BAZ2B: variants seen among roughly 807,000 people sequenced by gnomAD.
BAZ2B encodes bromodomain adjacent to zinc finger domain 2B.
Under a neutral mutation model 246.0 loss-of-function variants are expected in BAZ2B, and 91 were observed. The observed-to-expected ratio is 0.37, with a 90% confidence interval of 0.31 to 0.44. The LOEUF (loss-of-function observed/expected upper bound fraction) is 0.44, where lower values mean the gene tolerates loss of function less well. Ranked by LOEUF, BAZ2B falls within the 20% of genes least tolerant of loss-of-function variation. The pLI, the probability that BAZ2B is intolerant of heterozygous loss-of-function variation, is 1.00. For synonymous variants in BAZ2B, 855 were observed against 860.0 expected, an observed-to-expected ratio of 0.99 and a Z score of 0.10; for missense variants, 2,332 against 2,533.7, an observed-to-expected ratio of 0.92 and a Z score of 1.71.
chr2:159,352,486 C>CT lies in BAZ2B; in HGVS notation c.4214-2130dup, dbSNP rs111657452. Among the ~76,000 whole-genome samples, 529 of 143,288 alleles carry CT rather than the reference C, an allele frequency of 3.7e-3. 2 individuals are homozygous for CT. The highest frequency in any genetic ancestry group is 0.012 in the East Asian group (62 of 4,992). 94.0% of individuals were successfully genotyped at this position (143,288 alleles called of 152,430 possible). ...TTTAAAGGCAGAGCAATGTCTATAT[C>CT]TTTTTTTTTTTTTTTCTTAGATAGG... On this transcript the variant is annotated intron_variant, in intron 27 of 36. Transcript: ENST00000392783.
At chr2:159,331,865 G>C (rs1009703082) in intron 34 of BAZ2B, among the ~76,000 whole-genome samples, 9 of 152,176 alleles carry the variant, frequency 5.9e-5, no homozygotes, top group African/African-American at 1.4e-4. Context: ...GACAGAATAG[G>C]AGGAAAGAGA....
In BAZ2B at chr2:159,427,945, G is replaced by A. The variant is rs375194710; in HGVS notation, c.2462C>T (p.Pro821Leu). 33 of 1,612,208 alleles carry A rather than the reference G, an allele frequency of 2.0e-5. No individual in the cohort carries two copies. The highest frequency in any genetic ancestry group is 1.2e-4 in the African/African-American group (9 of 74,818). ...TACTTTTTAAAAAGTGGATACCTGC[G>A]GTCCATCTCTGGCTTCATAGAAGTC... is the stretch of plus-strand genomic sequence containing the variant. ...VGDFYEARDG[P>L]QGMQWCLLKE... The change falls in exon 13 of 37, where the codon CCG becomes CTG. Residue 821 changes from proline (P) to leucine (L), a missense_variant. Transcript: ENST00000392783.
chr2:159,704,904 G>A, the BAZ2B span, among the ~76,000 whole-genome samples: 8 of 151,804 alleles, frequency 5.3e-5, no homozygotes, highest in South Asian at 6.2e-4. Flanking sequence ...AGGTTTCACC[G>A]TGTTAGCCAG....
intron 36 of BAZ2B, among the ~76,000 whole-genome samples, chr2:159,323,076 CT>C (rs71406167): frequency 0.32 from 48,665 of 151,178 alleles, 10,361 homozygotes; most frequent in Non-Finnish European, 0.49. Context: ...CAACCTGCAC[CT>C]CCAGTTTCAA....
chr2:159,424,129 A>G (rs767830127), intron 13 of BAZ2B, among the ~76,000 whole-genome samples: 1 of 152,166 alleles, frequency 6.6e-6, no homozygotes, highest in Non-Finnish European at 1.5e-5. Context: ...CTTTTTAAAG[A>G]AAAAAGTTTT....
rs1468875943 is a variant in BAZ2B, at chr2:159,383,626, C to T, written c.3741G>A (p.Val1247=). 6.2e-7 allele frequency: 1 copy of T among 1,611,458 alleles called. No homozygotes were observed. Among genetic ancestry groups the T allele is most frequent in the East Asian group, 2.2e-5 (1 of 44,634 alleles). The change falls in exon 24 of 37, where the codon GTG becomes GTA. Residue 1247 remains valine (V), a synonymous_variant. Transcript: ENST00000392783. ...YMSNLRRDKW[V]VEGKLRKLRI... ...CTTACTTGCGGAGTTTACCTTCTAC[C>T]ACCCATTTATCTCTCCTCAAGTTTG...
At position 159,342,762 on chromosome 2, in the gene BAZ2B, T is replaced by G. The variant is rs575109377; in HGVS notation, c.5454+4724A>C. 2.0e-5 allele frequency among the ~76,000 whole-genome samples: 3 copies of G among 151,698 alleles called. No individual in the cohort carries two copies. The East Asian group carries it at 5.8e-4, about 29-fold the overall frequency. ...ACAAGGAAAACTATAAAACACTGATTAAAAAAAACTGAAGAGGATGAGAGG... is the reference window on the plus strand; with the variant it reads ...ACAAGGAAAACTATAAAACACTGATGAAAAAAAACTGAAGAGGATGAGAGG... On this transcript the variant is annotated intron_variant, in intron 31 of 36. Transcript: ENST00000392783.
At chr2:159,539,625 A>G (rs765326599) in intron 2 of BAZ2B, among the ~76,000 whole-genome samples, 36 of 152,138 alleles carry the variant, frequency 2.4e-4, no homozygotes, top group Non-Finnish European at 4.3e-4. Context: ...TAATCCCAGC[A>G]CTTGGAGTCA....
chr2:159,677,619 T>C, the BAZ2B span, among the ~76,000 whole-genome samples: 1 of 152,152 alleles, frequency 6.6e-6, no homozygotes, highest in Non-Finnish European at 1.5e-5. Flanking sequence ...AATACACTTA[T>C]AAAACAAATA....
At chr2:159,710,493 C>T in the BAZ2B span, among the ~76,000 whole-genome samples, 1 of 152,166 alleles carries the variant, frequency 6.6e-6, no homozygotes, top group Non-Finnish European at 1.5e-5. Context: ...CAGGCATGAG[C>T]CACGGCGCCC....
the BAZ2B span, among the ~76,000 whole-genome samples, chr2:159,666,039 T>C: frequency 4.8e-4 from 73 of 152,194 alleles, no homozygotes; most frequent in Non-Finnish European, 8.2e-4. Flanking sequence ...GGCAAAACTT[T>C]TGTTCATTTG....
chr2:159,627,878 T>C, the BAZ2B span, among the ~76,000 whole-genome samples: 37 of 152,154 alleles, frequency 2.4e-4, no homozygotes, highest in Non-Finnish European at 4.4e-5. Context: ...GAAGTCAAAT[T>C]GTCAATGTTT....
intron 19 of BAZ2B, chr2:159,397,124 A>G (rs2064141005): frequency 1.4e-6 from 2 of 1,470,058 alleles, no homozygotes; most frequent in East Asian, 2.8e-5. Flanking sequence ...TTGGCACAAC[A>G]TTATGAAACA....
intron 35 of BAZ2B, 106 bp from the exon 36 acceptor site, chr2:159,325,060 TTA>T (rs1553472909): frequency 9.4e-3 from 19 of 2,024 alleles, no homozygotes; most frequent in African/African-American, 0.02. Context: ...TATATATATA[TTA>T]TATATATATA....
At position 159,332,598 on chromosome 2, in the gene BAZ2B, C is replaced by G. The variant is rs770088268; in HGVS notation, c.5885G>C (p.Arg1962Thr). The G allele has an allele frequency of 6.2e-7, 1 of 1,614,074 alleles. No homozygotes were observed. Among genetic ancestry groups the G allele is most frequent in the South Asian group, 1.1e-5 (1 of 91,076 alleles). ...ATCTGGGATTGTTGTAATCTTGGGT[C>G]TATGGCAGTAGGTATGACAGCCTTT... Reference protein sequence around the residue: ...CDKGCHTYCHRPKITTIPDGD... With the variant: ...CDKGCHTYCHTPKITTIPDGD... Residue 1962 changes from arginine (R) to threonine (T), a missense_variant, in exon 34 of 37, where the codon AGA becomes ACA. Arg to Thr is a moderately conservative substitution (Grantham distance 71). Around this residue, in one of 9 missense-constraint regions of BAZ2B, gnomAD observed 210 missense variants for 232.5 expected, o/e 0.90. Transcript: ENST00000392783.
At chr2:159,357,485 C>T (rs189397805) in intron 27 of BAZ2B, among the ~76,000 whole-genome samples, 6 of 152,130 alleles carry the variant, frequency 3.9e-5, no homozygotes, top group Admixed American at 3.9e-4. Context: ...AAAGACCAAA[C>T]CTATGTTTGA....
intron 3 of BAZ2B, chr2:159,462,535 C>G (rs1415234264): frequency 1.1e-6 from 1 of 922,934 alleles, no homozygotes; most frequent in African/African-American, 1.6e-5. Flanking sequence ...TAATTGCTGT[C>G]TGATATTCAT....
rs1163798481 is a variant in BAZ2B at position 159,430,957 on chromosome 2, G to A, written c.2100C>T (p.Ala700=). 1.2e-6 allele frequency: 2 copies of A among 1,614,020 alleles called. No individual in the cohort carries two copies. The highest frequency in any genetic ancestry group is 1.3e-5 in the African/African-American group (1 of 75,032). ...ATAAGGCAGCAGGAGCAGAGCCTGGGGCTTTTGCTATGTGGAGGTTACGAG... is the reference window on the plus strand; with the variant it reads ...ATAAGGCAGCAGGAGCAGAGCCTGGAGCTTTTGCTATGTGGAGGTTACGAG... ...STPRNLHIAK[A]PGSAPAALCS... The change falls in exon 10 of 37, where the codon GCC becomes GCT. Residue 700 remains alanine, a synonymous_variant. Transcript: ENST00000392783.
At chr2:159,329,189 C>T (rs1485468000) in intron 34 of BAZ2B, among the ~76,000 whole-genome samples, 1 of 145,750 alleles carries the variant, frequency 6.9e-6, no homozygotes, top group East Asian at 2.0e-4. Context: ...CCCCTCATAA[C>T]AAAACAACAA....
Sources: gnomAD v4.1 joint callset for allele counts (sites outside exome capture counted in the v4.1 genomes callset) on GRCh38, gnomAD v4.1.1 for gene constraint, gnomAD v4.1.1 regional missense constraint, MANE v1.5 for transcripts, NCBI Gene and HGNC (gene_info 2026-07-23, HGNC 2026-07-21) for gene names.